The following MGST1 variants were observed in gnomAD, a reference collection of about 807,000 sequenced individuals.
The protein encoded by MGST1 is glutathione S-transferase 12.
A neutral mutation model predicts 8.9 loss-of-function variants in MGST1; 5 were observed. That is an observed-to-expected ratio of 0.56 (90% CI 0.29 to 1.19). The LOEUF is 1.19. Among genes scored for constraint, MGST1 ranks in the 50% most tolerant of loss-of-function variants. The probability of loss-of-function intolerance (pLI) is 0.08; values close to 1 mark genes in which losing one functional copy is unlikely to be tolerated. For synonymous variants in MGST1, 54 were observed against 67.8 expected, an observed-to-expected ratio of 0.80 and a Z score of 1.00; for missense variants, 182 against 187.4, an observed-to-expected ratio of 0.97 and a Z score of 0.17.
Position 16,500,796 on chromosome 12 carries a change from CT to C in MGST1, n.483-88727del, listed in dbSNP as rs929967150. On this transcript the variant is annotated intron_variant and non_coding_transcript_variant, in intron 4 of 4. Coordinates refer to the MGST1 transcript ENST00000538857. The surrounding 1 kb of genome is among the most constrained non-coding windows in gnomAD (Gnocchi z 4.3). ...AAAATCAGTGCATCTATTTATCGTT[CT>C]TTTTGTTCAATGAAAATGTACTTAG... 1.3e-5 allele frequency among the ~76,000 whole-genome samples: 2 copies of C among 152,126 alleles called. No individual in the cohort carries two copies. Among genetic ancestry groups the C allele is most frequent in the Admixed American group, 1.3e-4 (2 of 15,260 alleles).
chr12:16,391,591 G>A (rs1940553467), intron 1 of MGST1, among the ~76,000 whole-genome samples: 2 of 152,070 alleles, frequency 1.3e-5, no homozygotes, highest in Non-Finnish European at 2.9e-5. Context: ...TCTTAATGGG[G>A]TTGTCTGTTT....
chr12:16,469,484 C>CG (rs1941279164), intron 4 of MGST1, among the ~76,000 whole-genome samples: 1 of 152,122 alleles, frequency 6.6e-6, no homozygotes, highest in South Asian at 2.1e-4. Flanking sequence ...CCACCATGCC[C>CG]GGCCATAATG....
intron 4 of MGST1, among the ~76,000 whole-genome samples, chr12:16,533,277 G>A (rs1332619572): frequency 1.3e-5 from 2 of 152,104 alleles, no homozygotes; most frequent in Admixed American, 6.6e-5. Flanking sequence ...AATGTTAAAG[G>A]TGAGGCTGTA....
chr12:16,495,702 A>G (rs2137161372), intron 4 of MGST1, among the ~76,000 whole-genome samples: 1 of 151,230 alleles, frequency 6.6e-6, no homozygotes, highest in East Asian at 1.9e-4. Context: ...TTTTCAAAAT[A>G]CTTTCCCTGA....
intron 4 of MGST1, among the ~76,000 whole-genome samples, chr12:16,467,409 A>C (rs570689155): frequency 6.6e-6 from 1 of 152,316 alleles, no homozygotes; most frequent in East Asian, 1.9e-4. Flanking sequence ...ATGTAAGTTG[A>C]ACATGTATAT....
At chr12:16,472,561 G>A (rs144056358) in intron 4 of MGST1, among the ~76,000 whole-genome samples, 1 of 151,854 alleles carries the variant, frequency 6.6e-6, no homozygotes, top group Non-Finnish European at 1.5e-5. Context: ...GGTATCACAT[G>A]ACATTTCCAG....
downstream of MGST1, among the ~76,000 whole-genome samples, chr12:16,441,526 C>T (rs1941038518): frequency 6.6e-6 from 1 of 151,838 alleles, no homozygotes; most frequent in Non-Finnish European, 1.5e-5. Flanking sequence ...CGATCATTGA[C>T]TTTTTACTGT....
At chr12:16,422,380 T>A (rs1940846570) in intron 1 of MGST1, among the ~76,000 whole-genome samples, 1 of 152,134 alleles carries the variant, frequency 6.6e-6, no homozygotes, top group African/African-American at 2.4e-5. Context: ...CAGGGCCACT[T>A]CTCAGTGGAA....
chr12:16,556,002 T>G (rs1044677296), intron 4 of MGST1, among the ~76,000 whole-genome samples: 1 of 152,162 alleles, frequency 6.6e-6, no homozygotes, highest in East Asian at 1.9e-4. Flanking sequence ...CTTCTGTGAG[T>G]CTTTGATGTC....
chr12:16,517,293 G>A lies in MGST1; in HGVS notation n.483-72235G>A, dbSNP rs1349932551. Among the ~76,000 whole-genome samples, 2 of 152,208 alleles carry A rather than the reference G, an allele frequency of 1.3e-5. No homozygotes were observed. Among genetic ancestry groups the A allele is most frequent in the African/African-American group, 4.8e-5 (2 of 41,444 alleles). ...ACTCCCAATGCAATAGTGTCAAGAG[G>A]TGGAAGCTTTAAAAGGTGATTAAGT... On this transcript the variant is annotated intron_variant and non_coding_transcript_variant, in intron 4 of 4. Transcript: ENST00000538857. This position sits in a 1 kb window ranked among gnomAD's most constrained non-coding sequence, Gnocchi z 4.2.
rs1046091729 is a variant in MGST1 at position 16,548,387 on chromosome 12, T to C, written n.483-41141T>C. 1 of 152,202 alleles carries C rather than the reference T, an allele frequency of 6.6e-6. No homozygotes were observed. The highest frequency in any genetic ancestry group is 2.4e-5 in the African/African-American group (1 of 41,458). 9.4% of individuals were successfully genotyped at this position (152,202 alleles called of 1,614,324 possible). On this transcript the variant is annotated intron_variant and non_coding_transcript_variant, in intron 4 of 4. Coordinates refer to the MGST1 transcript ENST00000538857. The surrounding 1 kb of genome is among the most constrained non-coding windows in gnomAD (Gnocchi z 4.2). Reference sequence around the variant, plus strand: ...TGCAATCAAATAGTGTAACACCCCTTTTATTAAAAACATAAATCCAAATGT... The same window carrying C: ...TGCAATCAAATAGTGTAACACCCCTCTTATTAAAAACATAAATCCAAATGT...
intron 1 of MGST1, among the ~76,000 whole-genome samples, chr12:16,386,806 A>C (rs1264824413): frequency 6.6e-6 from 1 of 152,160 alleles, no homozygotes; most frequent in Non-Finnish European, 1.5e-5. Flanking sequence ...TAAGTTTTAA[A>C]TTGTGTGCCA....
Position 16,415,835 on chromosome 12 carries a change from A to T in MGST1, n.779-21553A>T, listed in dbSNP as rs139485978. On this transcript the variant is annotated intron_variant and non_coding_transcript_variant, in intron 1 of 1. Coordinates refer to the MGST1 transcript ENST00000359720. ...AAAGATCTACTGTATACCTAGCTACACAAACGAGGGGAAATGGCAGGAATG... is the reference window on the plus strand; with the variant it reads ...AAAGATCTACTGTATACCTAGCTACTCAAACGAGGGGAAATGGCAGGAATG... 4.2e-3 allele frequency among the ~76,000 whole-genome samples: 635 copies of T among 152,298 alleles called. 7 individuals carry two copies. The highest frequency in any genetic ancestry group is 0.032 in the East Asian group (164 of 5,184).
chr12:16,586,369 T>C lies in MGST1; in HGVS notation n.483-3159T>C, dbSNP rs1268765201. Among the ~76,000 whole-genome samples, 1 of 152,182 alleles carries C rather than the reference T, an allele frequency of 6.6e-6. No homozygotes were observed. Among genetic ancestry groups the C allele is most frequent in the East Asian group, 1.9e-4 (1 of 5,184 alleles). On this transcript the variant is annotated intron_variant and non_coding_transcript_variant, in intron 4 of 4. Transcript: ENST00000538857. The surrounding 1 kb of genome is among the most constrained non-coding windows in gnomAD (Gnocchi z 4.3). ...CGTGCATGAATGGAGAACCACTGCA[T>C]GGCTGTGGCAAGGAGAGCGGAGGAT...
chr12:16,561,960 A>C lies in MGST1; in HGVS notation n.483-27568A>C, dbSNP rs373128545. Among the ~76,000 whole-genome samples, 11 of 152,348 alleles carry C rather than the reference A, an allele frequency of 7.2e-5. 1 individual carries two copies. The East Asian group carries it at 1.5e-3, about 21-fold the overall frequency. On this transcript the variant is annotated intron_variant and non_coding_transcript_variant, in intron 4 of 4. Transcript: ENST00000538857. ...AGAAGATCAAATTCATAATTGTTAG[A>C]CACTTATTTTCCTTAATGAATTAAA... is the stretch of plus-strand genomic sequence containing the variant.
At chr12:16,526,526 T>G (rs1473811024) in intron 4 of MGST1, among the ~76,000 whole-genome samples, 1 of 151,962 alleles carries the variant, frequency 6.6e-6, no homozygotes, top group Non-Finnish European at 1.5e-5. Context: ...ATTTTTTTCC[T>G]TTGGAAAAAA....
At position 16,361,973 on chromosome 12, in the gene MGST1, T is replaced by G. The variant is rs3815564; in HGVS notation, c.222-1822T>G. On this transcript the variant is annotated intron_variant, in intron 3 of 3. Transcript: ENST00000396210. The surrounding 1 kb of genome is among the most constrained non-coding windows in gnomAD (Gnocchi z 4.2). ...TCTTCTCTGCTTTAACATTCCATTCTATTTGTCAACTGCGTAACACAGGCG... is the reference window on the plus strand; with the variant it reads ...TCTTCTCTGCTTTAACATTCCATTCGATTTGTCAACTGCGTAACACAGGCG... 0.015 allele frequency among the ~76,000 whole-genome samples: 2,254 copies of G among 152,306 alleles called. 79 individuals are homozygous for G. Among genetic ancestry groups the G allele is most frequent in the Admixed American group, 0.092 (1,411 of 15,296 alleles).
intron 4 of MGST1, among the ~76,000 whole-genome samples, chr12:16,578,131 C>T (rs1047208896): frequency 2.6e-5 from 4 of 152,122 alleles, no homozygotes; most frequent in Non-Finnish European, 4.4e-5. Flanking sequence ...TGCCAGGCAA[C>T]AGAGACTGAG....
chr12:16,381,162 G>A (rs1197444941), downstream of MGST1, among the ~76,000 whole-genome samples: 1 of 152,186 alleles, frequency 6.6e-6, no homozygotes, highest in Admixed American at 6.5e-5. Context: ...ATTGTTATGT[G>A]TGAATTTTTT....
Sources: gnomAD v4.1 joint callset for allele counts (sites outside exome capture counted in the v4.1 genomes callset) on GRCh38, gnomAD v4.1.1 for gene constraint, Gnocchi (gnomAD v3.1) non-coding constraint, MANE v1.5 for transcripts, NCBI Gene and HGNC (gene_info 2026-07-23, HGNC 2026-07-21) for gene names.